The following PCDHGB1 variants were observed in gnomAD, a reference collection of about 807,000 sequenced individuals.
The protein encoded by PCDHGB1 is protocadherin gamma subfamily B, 1, also known as protocadherin gamma-B1.
In PCDHGB1, 34 loss-of-function variants were observed where a neutral mutation model predicts 56.6. The ratio of observed to expected loss-of-function variants is 0.60; its 90% confidence interval spans 0.46 to 0.80. PCDHGB1 has a LOEUF of 0.80. Ranked by LOEUF, PCDHGB1 falls within the 30% of genes least tolerant of loss-of-function variation. The pLI, the probability that PCDHGB1 is intolerant of heterozygous loss-of-function variation, is 0.00. For missense variants in PCDHGB1, 1,278 were observed against 1,204.6 expected (o/e 1.06, Z -0.90); for synonymous variants, 561 against 505.9 (o/e 1.11, Z -1.46).
At chr5:141,448,223 T>C (rs1377619033) in intron 1 of PCDHGB1, among the ~76,000 whole-genome samples, 1 of 152,204 alleles carries the variant, frequency 6.6e-6, no homozygotes, top group Non-Finnish European at 1.5e-5. Context: ...TGCGAATGTA[T>C]GTGTGGGGTT....
chr5:141,373,547 T>C (rs1363440300), intron 1 of PCDHGB1, among the ~76,000 whole-genome samples: 2 of 152,240 alleles, frequency 1.3e-5, no homozygotes, highest in African/African-American at 4.8e-5. Flanking sequence ...TGGTTGTTGG[T>C]ACCCTTACTG....
intron 1 of PCDHGB1, chr5:141,356,536 A>G: frequency 6.2e-7 from 1 of 1,614,110 alleles, no homozygotes; most frequent in Non-Finnish European, 8.5e-7. Context: ...GATGGACATC[A>G]ATGACAACCC....
rs376526750 is a variant in PCDHGB1 at position 141,476,593 on chromosome 5, G to T, written c.2410-18214G>T. The T allele has an allele frequency of 8.5e-5, 138 of 1,614,104 alleles. No individual in the cohort carries two copies. The highest frequency in any genetic ancestry group is 1.1e-4 in the Non-Finnish European group (133 of 1,180,044). On this transcript the variant is annotated intron_variant, in intron 1 of 3. Transcript: ENST00000523390. The surrounding 1 kb of genome is among the most constrained non-coding windows in gnomAD (Gnocchi z 7.6). ...GGACGCGCTTTCCGCTCGAGAGCGCGCACGATCCCGATGTGGGAAGCAACT... is the reference window on the plus strand; with the variant it reads ...GGACGCGCTTTCCGCTCGAGAGCGCTCACGATCCCGATGTGGGAAGCAACT...
At chr5:141,391,240 T>C (rs1388357484) in intron 1 of PCDHGB1, 1 of 152,150 alleles carries the variant, frequency 6.6e-6, no homozygotes, top group Non-Finnish European at 1.5e-5. Flanking sequence ...GCTAGGTATA[T>C]CTAAGCAACT....
intron 1 of PCDHGB1, chr5:141,427,864 A>G: frequency 6.4e-7 from 1 of 1,557,574 alleles, no homozygotes; most frequent in Non-Finnish European, 8.8e-7. Flanking sequence ...TGCGCCTTCG[A>G]GCTCACGATG....
At chr5:141,414,623 C>T (rs998923536) in intron 1 of PCDHGB1, 2 of 1,613,820 alleles carry the variant, frequency 1.2e-6, no homozygotes, top group African/African-American at 1.3e-5. Flanking sequence ...GCGCTGGACC[C>T]GGACAGCAAA....
chr5:141,408,643 C>G (rs751905674), intron 1 of PCDHGB1: 2 of 1,613,910 alleles, frequency 1.2e-6, no homozygotes, highest in Admixed American at 1.7e-5. Context: ...AATCTGCATC[C>G]GCTGGTACAC....
chr5:141,393,103 C>A lies in PCDHGB1; in HGVS notation c.2409+40434C>A, dbSNP rs776552182. On this transcript the variant is annotated intron_variant, in intron 1 of 3. Coordinates refer to ENST00000523390, the MANE Select transcript of PCDHGB1 (RefSeq NM_018922.3). ...AGGATAGATCGGGAGGAGCTCTGCGCTCAGAGCCCGCGGTGTCTGATAAAT... is the reference window on the plus strand; with the variant it reads ...AGGATAGATCGGGAGGAGCTCTGCGATCAGAGCCCGCGGTGTCTGATAAAT... The A allele has an allele frequency of 3.2e-5, 51 of 1,613,464 alleles. No homozygotes were observed. Among genetic ancestry groups the A allele is most frequent in the South Asian group, 1.5e-4 (14 of 91,088 alleles).
At chr5:141,445,808 T>A (rs1004030960) in intron 1 of PCDHGB1, among the ~76,000 whole-genome samples, 1 of 152,182 alleles carries the variant, frequency 6.6e-6, no homozygotes, top group Non-Finnish European at 1.5e-5. Flanking sequence ...AATAAATAGA[T>A]GAAACTAATA....
intron 1 of PCDHGB1, chr5:141,395,486 A>G: frequency 2.0e-6 from 1 of 510,062 alleles, no homozygotes; most frequent in Non-Finnish European, 3.4e-6. Flanking sequence ...TATTCCTATT[A>G]TCACTCATTC....
intron 1 of PCDHGB1, among the ~76,000 whole-genome samples, chr5:141,397,772 A>G (rs1352118170): frequency 6.6e-6 from 1 of 152,238 alleles, no homozygotes; most frequent in Non-Finnish European, 1.5e-5. Context: ...TATTAAGTAT[A>G]TGGACGTAAA....
intron 1 of PCDHGB1, among the ~76,000 whole-genome samples, chr5:141,359,855 T>TA (rs1343900120): frequency 6.6e-6 from 1 of 151,960 alleles, no homozygotes; most frequent in African/African-American, 2.4e-5. Flanking sequence ...CTTTATAAAT[T>TA]AAAAAAGAAA....
At chr5:141,496,249 A>G (rs1385823714) in intron 2 of PCDHGB1, among the ~76,000 whole-genome samples, 1 of 152,078 alleles carries the variant, frequency 6.6e-6, no homozygotes, top group East Asian at 1.9e-4. Context: ...GCTGAAGGGG[A>G]GGGAAACTTC....
In PCDHGB1 at chr5:141,431,930, C is replaced by A. The variant is rs761060241; in HGVS notation, c.2410-62877C>A. 236 of 1,613,932 alleles carry A rather than the reference C, an allele frequency of 1.5e-4. 1 individual carries two copies. The highest frequency in any genetic ancestry group is 1.4e-3 in the South Asian group (124 of 91,086). The stretch of plus-strand genomic sequence containing the variant: ...GATCTGTTTCATCCAAGGAAATCTG[C>A]CCTTTAAATTAGAAAAATCTTACGG... On this transcript the variant is annotated intron_variant, in intron 1 of 3. Transcript: ENST00000523390. This position sits in a 1 kb window ranked among gnomAD's most constrained non-coding sequence, Gnocchi z 4.8.
chr5:141,470,242 T>G (rs1301513342), intron 1 of PCDHGB1, among the ~76,000 whole-genome samples: 1 of 152,226 alleles, frequency 6.6e-6, no homozygotes, highest in African/African-American at 2.4e-5. Flanking sequence ...CCCTTGAATG[T>G]CCCACCTGTC....
intron 1 of PCDHGB1, chr5:141,427,862 C>T (rs748112227): frequency 2.6e-6 from 4 of 1,556,778 alleles, no homozygotes; most frequent in East Asian, 4.5e-5. Context: ...TGTGCGCCTT[C>T]GAGCTCACGA....
chr5:141,394,347 G>C (rs770737407), intron 1 of PCDHGB1: 1 of 1,614,118 alleles, frequency 6.2e-7, no homozygotes, highest in Non-Finnish European at 8.5e-7. Flanking sequence ...CTCTGACACC[G>C]GTGTCCTGTA....
chr5:141,360,178 C>T (rs1291288945), intron 1 of PCDHGB1: 2 of 1,609,980 alleles, frequency 1.2e-6, no homozygotes, highest in African/African-American at 1.3e-5. Context: ...GCGGTGGCTG[C>T]AGGTACTGTT....
chr5:141,491,662 A>C lies in PCDHGB1; in HGVS notation c.2410-3145A>C. 2 of 1,613,770 alleles carry C rather than the reference A, an allele frequency of 1.2e-6. No homozygotes were observed. The highest frequency in any genetic ancestry group is 1.7e-6 in the Non-Finnish European group (2 of 1,180,018). ...AGCTCTGGCGCTGGAGCCTGACGCC[A>C]TCCGGTCCCGCTCTAATACGCTGCG... On this transcript the variant is annotated intron_variant, in intron 1 of 3. Coordinates refer to ENST00000523390, the MANE Select transcript of PCDHGB1 (RefSeq NM_018922.3). This position sits in a 1 kb window ranked among gnomAD's most constrained non-coding sequence, Gnocchi z 6.9.
Sources: gnomAD v4.1 joint callset for allele counts (sites outside exome capture counted in the v4.1 genomes callset) on GRCh38, gnomAD v4.1.1 for gene constraint, Gnocchi (gnomAD v3.1) non-coding constraint, MANE v1.5 for transcripts, NCBI Gene and HGNC (gene_info 2026-07-23, HGNC 2026-07-21) for gene names.